The following MYO9A variants were observed in gnomAD, a reference collection of about 807,000 sequenced individuals.
MYO9A encodes the protein myosin IXA.
In MYO9A, 103 loss-of-function variants were observed where a neutral mutation model predicts 293.3. The observed-to-expected ratio is 0.35, with a 90% CI of 0.30 to 0.41. The LOEUF is 0.41. Ranked by LOEUF, MYO9A falls within the 10% of genes least tolerant of loss-of-function variation. The pLI, the probability that MYO9A is intolerant of heterozygous loss-of-function variation, is 1.00. For synonymous variants in MYO9A, 1,001 were observed against 1,035.7 expected (o/e 0.97, Z 0.64); for missense variants, 2,685 against 3,033.0 (o/e 0.89, Z 2.69).
At chr15:71,936,714 T>TA (rs1319849589) in intron 16 of MYO9A, among the ~76,000 whole-genome samples, 1 of 152,028 alleles carries the variant, frequency 6.6e-6, no homozygotes, top group Non-Finnish European at 1.5e-5. Context: ...TCCATTTGCT[T>TA]AGAGCATTTA....
chr15:72,067,682 C>G (rs1441378098), intron 1 of MYO9A, among the ~76,000 whole-genome samples: 2 of 152,126 alleles, frequency 1.3e-5, no homozygotes, highest in Non-Finnish European at 2.9e-5. Flanking sequence ...AGACTATAAC[C>G]AAAACATGAA....
chr15:71,901,482 T>C (rs2057482576), intron 22 of MYO9A, 142 bp from the exon 23 acceptor site: 1 of 844,376 alleles, frequency 1.2e-6, no homozygotes, highest in Non-Finnish European at 1.8e-6. Context: ...TAAATATTCC[T>C]ACAGATTTAT....
chr15:72,045,811 A>C lies in MYO9A; in HGVS notation c.753T>G (p.Phe251Leu). 6.2e-7 allele frequency: 1 copy of C among 1,614,194 alleles called. No homozygotes were observed. The highest frequency in any genetic ancestry group is 1.1e-5 in the South Asian group (1 of 91,082). The change falls in exon 2 of 42, where the codon TTT (phenylalanine) becomes TTG (leucine). Residue 251 changes from phenylalanine to leucine, a missense_variant. Physicochemically the swap from Phe to Leu is conservative, Grantham distance 22. This residue lies in a region of MYO9A where 289 missense variants were observed against 456.8 expected (regional missense o/e 0.63). Transcript: ENST00000356056. ...SGSGKTQSTN[F>L]LIHHLTALSQ... ...TGAGAGCAGTAAGGTGGTGAATAAG[A>C]AAGTTTGTGCTTTGAGTCTTCCCAG...
chr15:71,940,246 ACAGT>A (rs1451928057), intron 15 of MYO9A, among the ~76,000 whole-genome samples: 1 of 151,382 alleles, frequency 6.6e-6, no homozygotes, highest in East Asian at 1.9e-4. Context: ...GGTAATCCCA[ACAGT>A]TTGGGAGGCC....
At chr15:72,086,574 C>T (rs1460269251) in intron 1 of MYO9A, among the ~76,000 whole-genome samples, 1 of 151,522 alleles carries the variant, frequency 6.6e-6, no homozygotes, top group Non-Finnish European at 1.5e-5. Flanking sequence ...TGCACGTGCA[C>T]ACGTGCTGGC....
intron 32 of MYO9A, among the ~76,000 whole-genome samples, chr15:71,864,160 A>T (rs1260532046): frequency 6.6e-6 from 1 of 152,186 alleles, no homozygotes; most frequent in African/African-American, 2.4e-5. Context: ...CCAACTCAAA[A>T]ATGGGCAAAA....
chr15:71,933,517 T>C (rs1403181810), intron 18 of MYO9A, among the ~76,000 whole-genome samples, 153 bp downstream of exon 18: 2 of 152,124 alleles, frequency 1.3e-5, no homozygotes, highest in African/African-American at 4.8e-5. Flanking sequence ...CATAACAGTG[T>C]TATTTCTAAA....
chr15:72,032,460 C>A (rs1163820131), intron 3 of MYO9A, 34 bp downstream of exon 3: 2 of 1,369,480 alleles, frequency 1.5e-6, no homozygotes, highest in African/African-American at 1.5e-5. Context: ...AAAACATGCT[C>A]CAAAGCCTAC....
At chr15:72,093,040 T>G (rs796276889) in intron 1 of MYO9A, among the ~76,000 whole-genome samples, 11 of 151,678 alleles carry the variant, frequency 7.3e-5, no homozygotes, top group African/African-American at 2.7e-4. Flanking sequence ...CCAAGTACTG[T>G]CCCAGGAAAA....
At chr15:72,050,337 G>A (rs900240858) in intron 1 of MYO9A, among the ~76,000 whole-genome samples, 22 of 151,974 alleles carry the variant, frequency 1.4e-4, no homozygotes, top group Admixed American at 2.0e-4. Flanking sequence ...AGCCGGGTGC[G>A]GTGGCTCACA....
intron 12 of MYO9A, among the ~76,000 whole-genome samples, chr15:71,976,458 T>C (rs899394717): frequency 1.3e-5 from 2 of 152,180 alleles, no homozygotes; most frequent in Non-Finnish European, 2.9e-5. Context: ...TTCCTACCTA[T>C]ATAATCTTTT....
At position 71,880,528 on chromosome 15, in the gene MYO9A, A is replaced by C. The variant is rs377256073; in HGVS notation, c.5429T>G (p.Leu1810Trp). 1.2e-6 allele frequency: 2 copies of C among 1,614,146 alleles called. No individual in the cohort carries two copies. The highest frequency in any genetic ancestry group is 1.7e-6 in the Non-Finnish European group (2 of 1,179,966). Residue 1810 changes from leucine to tryptophan, a missense_variant, in exon 29 of 42, where the codon TTG becomes TGG. Transcript: ENST00000356056. The stretch of plus-strand genomic sequence containing the variant: ...GCAACTGCCGGGCAGTTCTGGGCTC[A>C]AAGGAGGTGTTGGGTGATATGCAGC... ...ELAAYHPTPP[L>W]SPELPGSCRK...
At chr15:72,082,580 T>C (rs2079580096) in intron 1 of MYO9A, among the ~76,000 whole-genome samples, 1 of 152,130 alleles carries the variant, frequency 6.6e-6, no homozygotes. Context: ...CAATACTATG[T>C]TGAATTAGGC....
intron 40 of MYO9A, among the ~76,000 whole-genome samples, chr15:71,829,672 A>G (rs2054638245): frequency 6.6e-6 from 1 of 152,034 alleles, no homozygotes; most frequent in Non-Finnish European, 1.5e-5. Context: ...AATAATGCCC[A>G]TTCTTGAAAG....
chr15:71,853,175 T>C (rs2055726560), intron 35 of MYO9A, among the ~76,000 whole-genome samples: 1 of 152,254 alleles, frequency 6.6e-6, no homozygotes, highest in South Asian at 2.1e-4. Context: ...ATGCTTGCTC[T>C]CAATTTCTGT....
chr15:71,826,640 G>A lies in MYO9A; in HGVS notation c.7587C>T (p.Asp2529=). 1.9e-6 allele frequency: 3 copies of A among 1,612,988 alleles called. No homozygotes were observed. Among genetic ancestry groups the A allele is most frequent in the Non-Finnish European group, 2.5e-6 (3 of 1,179,778 alleles). The change falls in exon 42 of 42, where the codon GAC becomes GAT. Residue 2529 remains aspartate (D), a synonymous_variant. Coordinates refer to ENST00000356056, the MANE Select transcript of MYO9A (RefSeq NM_006901.4). The stretch of plus-strand genomic sequence containing the variant: ...GCTGTTGGTTGGAGGTGCAGTCTGG[G>A]TCCACAGTTTTTCTGCGGCCAGACA... ...TVMSGRRKTV[D]PDCTSNQQLA... is the part of the protein sequence containing the mutation.
At chr15:71,965,358 T>A (rs1233728857) in intron 13 of MYO9A, among the ~76,000 whole-genome samples, 1 of 152,162 alleles carries the variant, frequency 6.6e-6, no homozygotes, top group Non-Finnish European at 1.5e-5. Flanking sequence ...TCTTTTTCCT[T>A]AGAAAAATAT....
chr15:71,889,251 A>G (rs2057107888), intron 26 of MYO9A, among the ~76,000 whole-genome samples: 1 of 152,102 alleles, frequency 6.6e-6, no homozygotes, highest in Non-Finnish European at 1.5e-5. Flanking sequence ...CAAGACCAAG[A>G]AAAAGATCAC....
intron 1 of MYO9A, among the ~76,000 whole-genome samples, chr15:72,111,635 C>T (rs2080784948): frequency 1.0e-5 from 1 of 100,394 alleles, no homozygotes. Flanking sequence ...AATATTACCC[C>T]CAATTTTTTT....
Sources: gnomAD v4.1 joint callset for allele counts (sites outside exome capture counted in the v4.1 genomes callset) on GRCh38, gnomAD v4.1.1 for gene constraint, gnomAD v4.1.1 regional missense constraint, MANE v1.5 for transcripts, NCBI Gene and HGNC (gene_info 2026-07-23, HGNC 2026-07-21) for gene names.